MYRFL: variants seen among roughly 807,000 people sequenced by gnomAD.
MYRFL encodes myelin regulatory factor like, also known as myelin regulatory factor-like protein.
A neutral mutation model predicts 109.4 loss-of-function variants in MYRFL; 88 were observed. That is an observed-to-expected ratio of 0.80 (90% CI 0.68 to 0.96). The LOEUF (loss-of-function observed/expected upper bound fraction) is 0.96. MYRFL is among the 40% of genes least tolerant of loss of function. The probability of loss-of-function intolerance (pLI) is 0.00; values close to 1 mark genes in which losing one functional copy is unlikely to be tolerated. For synonymous variants in MYRFL, 324 were observed against 320.9 expected (o/e 1.01, Z -0.10); for missense variants, 957 against 954.9 (o/e 1.00, Z -0.03).
intron 11 of MYRFL, 134 bp from the exon 12 acceptor site, chr12:69,909,835 G>A: frequency 1.5e-6 from 1 of 679,532 alleles, no homozygotes; most frequent in Non-Finnish European, 2.4e-6. Context: ...ATCCTGGCTT[G>A]GAATCCACTT....
At chr12:69,843,199 C>G (rs902475864) in intron 1 of MYRFL, among the ~76,000 whole-genome samples, 1 of 152,310 alleles carries the variant, frequency 6.6e-6, no homozygotes, top group African/African-American at 2.4e-5. Context: ...TTTTCTTCCT[C>G]TCCTCTTCCT....
intron 19 of MYRFL, among the ~76,000 whole-genome samples, chr12:69,939,641 C>T (rs1955580760): frequency 6.6e-6 from 1 of 152,158 alleles, no homozygotes; most frequent in South Asian, 2.1e-4. Context: ...AGCGCCTCTC[C>T]TCCTCCAAAG....
At chr12:69,826,209 G>A (rs1387975735) in intron 1 of MYRFL, among the ~76,000 whole-genome samples, 3 of 152,080 alleles carry the variant, frequency 2.0e-5, no homozygotes, top group Non-Finnish European at 4.4e-5. Flanking sequence ...CCATGGGGTA[G>A]TTTCTGTGGC....
intron 7 of MYRFL, among the ~76,000 whole-genome samples, chr12:69,891,625 TC>T (rs1566002203): frequency 2.6e-4 from 7 of 27,184 alleles, no homozygotes; most frequent in African/African-American, 9.8e-4. Flanking sequence ...CTTTCTTTCC[TC>T]CTTCCTTTCT....
chr12:69,837,463 C>T (rs576174479), intron 1 of MYRFL, among the ~76,000 whole-genome samples: 3 of 151,904 alleles, frequency 2.0e-5, no homozygotes, highest in East Asian at 1.9e-4. Flanking sequence ...GCCCTGTCTC[C>T]GGGGGAGTGG....
In MYRFL at chr12:69,891,095, C is replaced by A; in HGVS notation, c.832C>A (p.Pro278Thr). Residue 278 changes from proline (P) to threonine (T), a missense_variant, in exon 7 of 25, where the codon CCA (proline) becomes ACA (threonine). Physicochemically the swap from Pro to Thr is conservative, Grantham distance 38. Coordinates refer to ENST00000552032, the MANE Select transcript of MYRFL (RefSeq NM_182530.3). ...ITIHIQVWGS[P>T]KFVETEMGLK... ...CATTCACATCCAAGTTTGGGGAAGT[C>A]CAAAATTTGTTGAAACCGAGATGGG... 6.5e-7 allele frequency: 1 copy of A among 1,534,816 alleles called. No individual in the cohort carries two copies. The highest frequency in any genetic ancestry group is 1.2e-5 in the South Asian group (1 of 83,656).
At chr12:69,846,106 C>CTTTTTTTTTTTTTTTTTTTTTTTTTTTT in intron 1 of MYRFL, among the ~76,000 whole-genome samples, 1 of 61,732 alleles carries the variant, frequency 1.6e-5, no homozygotes, top group South Asian at 9.1e-4. Flanking sequence ...TATTGACTAT[C>CTTTTTTTTTTTTTTTTTTTTTTTTTTTT]TTTTTTTTTT....
intron 2 of MYRFL, among the ~76,000 whole-genome samples, chr12:69,877,003 C>CT (rs1360983638): frequency 3.6e-5 from 1 of 27,506 alleles, no homozygotes; most frequent in African/African-American, 9.0e-5. Context: ...GGGTCCAGGT[C>CT]TTTCTTTCTT....
intron 1 of MYRFL, among the ~76,000 whole-genome samples, chr12:69,836,189 A>G (rs1882930109): frequency 6.6e-6 from 1 of 152,170 alleles, no homozygotes; most frequent in African/African-American, 2.4e-5. Context: ...GCTAGCCGGC[A>G]TGCCGGTGTG....
intron 1 of MYRFL, among the ~76,000 whole-genome samples, chr12:69,853,436 G>A (rs1483231328): frequency 6.6e-6 from 1 of 151,488 alleles, no homozygotes; most frequent in African/African-American, 2.4e-5. Context: ...CCTCCCAGAC[G>A]GGGTGGTGGT....
At chr12:69,942,458 A>G (rs972258344) in intron 19 of MYRFL, among the ~76,000 whole-genome samples, 4 of 151,276 alleles carry the variant, frequency 2.6e-5, no homozygotes, top group African/African-American at 9.7e-5. Context: ...CAATAGATGC[A>G]GAAAAGGCCT....
At chr12:69,863,347 C>T (rs1017725758) in intron 2 of MYRFL, among the ~76,000 whole-genome samples, 1 of 152,132 alleles carries the variant, frequency 6.6e-6, no homozygotes, top group Non-Finnish European at 1.5e-5. Context: ...CCTTGTACCT[C>T]TGGTAGAATT....
rs1393316226 is a variant in MYRFL, at chr12:69,957,815, C to T, written c.2451-7C>T. ...CAGGTGCTCTTTCTTTTCTTTGTCT[C>T]TTGAAGCACAACAGAGCCATTGATA... On this transcript the variant is annotated splice_region_variant and splice_polypyrimidine_tract_variant and intron_variant, in intron 22 of 24. Coordinates refer to ENST00000552032, the MANE Select transcript of MYRFL (RefSeq NM_182530.3). 6.6e-7 allele frequency: 1 copy of T among 1,515,446 alleles called. No individual in the cohort carries two copies. The highest frequency in any genetic ancestry group is 1.4e-5 in the African/African-American group (1 of 72,658). 93.9% of individuals were successfully genotyped at this position (1,515,446 alleles called of 1,614,324 possible).
chr12:69,923,346 A>G (rs1239147096), intron 13 of MYRFL, among the ~76,000 whole-genome samples: 3 of 152,202 alleles, frequency 2.0e-5, no homozygotes, highest in Non-Finnish European at 4.4e-5. Flanking sequence ...AGAGACTACA[A>G]TGAGGAGTCT....
intron 1 of MYRFL, among the ~76,000 whole-genome samples, chr12:69,833,848 C>T (rs28635106): frequency 0.28 from 20,148 of 71,598 alleles, 1,590 homozygotes; most frequent in Middle Eastern, 0.38. Context: ...TTTTTTTTTT[C>T]GGTACAATTT....
intron 13 of MYRFL, among the ~76,000 whole-genome samples, chr12:69,924,451 T>G (rs1177928123): frequency 2.6e-5 from 4 of 152,164 alleles, no homozygotes; most frequent in Admixed American, 6.5e-5. Context: ...CTTCCTTTCT[T>G]TTTACAGTTG....
chr12:69,938,097 C>T lies in MYRFL; in HGVS notation c.2224+1465C>T, dbSNP rs560962616. On this transcript the variant is annotated intron_variant, in intron 19 of 24. Transcript: ENST00000552032. ...TGATTGAACTTAGGAGCAGATGCAT[C>T]ACTATGGAGTAGAACTAAAAACTTC... 1.2e-3 allele frequency among the ~76,000 whole-genome samples: 190 copies of T among 152,292 alleles called. 1 individual carries two copies. Among genetic ancestry groups the T allele is most frequent in the Non-Finnish European group, 2.3e-3 (159 of 68,026 alleles).
intron 2 of MYRFL, among the ~76,000 whole-genome samples, chr12:69,859,634 G>A (rs1359280485): frequency 6.6e-6 from 1 of 152,120 alleles, no homozygotes; most frequent in Non-Finnish European, 1.5e-5. Context: ...TTTCTCAAAA[G>A]AAGACATTTA....
intron 2 of MYRFL, among the ~76,000 whole-genome samples, chr12:69,863,416 C>T (rs1240231): frequency 0.25 from 37,766 of 151,938 alleles, 5,458 homozygotes; most frequent in Middle Eastern, 0.38. Flanking sequence ...TGATTATTGC[C>T]GCAATTTCAG....
Sources: gnomAD v4.1 joint callset for allele counts (sites outside exome capture counted in the v4.1 genomes callset) on GRCh38, gnomAD v4.1.1 for gene constraint, MANE v1.5 for transcripts, NCBI Gene and HGNC (gene_info 2026-07-23, HGNC 2026-07-21) for gene names.